Variants in PHKB observed in about 807,000 individuals in gnomAD.
PHKB encodes the protein phosphorylase kinase regulatory subunit beta.
Under a neutral mutation model 152.1 loss-of-function variants are expected in PHKB, and 122 were observed. The observed-to-expected ratio is 0.80, with a 90% CI of 0.69 to 0.93. The LOEUF is 0.93. PHKB is among the 40% of genes least tolerant of loss of function. The pLI is 0.00. For missense variants in PHKB, 1,304 were observed against 1,328.4 expected (o/e 0.98, Z 0.29); for synonymous variants, 436 against 464.9 (o/e 0.94, Z 0.80).
chr16:47,689,604 C>A (rs192705577), intron 27 of PHKB, among the ~76,000 whole-genome samples: 1 of 152,250 alleles, frequency 6.6e-6, no homozygotes, highest in East Asian at 1.9e-4. Context: ...AATGCTAAAC[C>A]CTTTCCTAGA....
At chr16:47,574,175 C>A (rs1237412862) in intron 7 of PHKB, among the ~76,000 whole-genome samples, 2 of 152,218 alleles carry the variant, frequency 1.3e-5, no homozygotes, top group East Asian at 3.9e-4. Flanking sequence ...CCGTTTCAGC[C>A]TCCCAAAGTT....
At chr16:47,632,908 G>A (rs548033846) in intron 14 of PHKB, among the ~76,000 whole-genome samples, 11 of 152,164 alleles carry the variant, frequency 7.2e-5, no homozygotes, top group South Asian at 2.1e-4. Context: ...CTTAATTACC[G>A]TAGTTTTAAA....
chr16:47,580,558 TAAA>T (rs57329634), intron 8 of PHKB, among the ~76,000 whole-genome samples, 200 bp downstream of exon 8: 1 of 131,866 alleles, frequency 7.6e-6, no homozygotes. Flanking sequence ...TTAATTTCTT[TAAA>T]AAAAAAAAAA....
intron 13 of PHKB, chr16:47,598,082 G>A (rs1972155338): frequency 6.6e-6 from 1 of 151,884 alleles, no homozygotes; most frequent in African/African-American, 2.4e-5. Flanking sequence ...AAAATAAAAT[G>A]ACATTATGGA....
chr16:47,662,984 C>A (rs1351401018), intron 23 of PHKB, among the ~76,000 whole-genome samples: 1 of 151,916 alleles, frequency 6.6e-6, no homozygotes, highest in East Asian at 1.9e-4. Flanking sequence ...GAATAATATT[C>A]ATTAAATGTT....
chr16:47,643,466 T>G (rs1232680203), intron 16 of PHKB, among the ~76,000 whole-genome samples: 2 of 152,222 alleles, frequency 1.3e-5, no homozygotes, highest in African/African-American at 4.8e-5. Context: ...ACATCTTGTT[T>G]TAAAAATGGT....
chr16:47,692,943 T>A (rs1974087684), intron 27 of PHKB, among the ~76,000 whole-genome samples: 1 of 152,232 alleles, frequency 6.6e-6, no homozygotes, highest in Admixed American at 6.5e-5. Flanking sequence ...AAGTGTTTAC[T>A]AAGCACCTTT....
At chr16:47,472,173 A>G (rs924805581) in intron 1 of PHKB, among the ~76,000 whole-genome samples, 4 of 152,138 alleles carry the variant, frequency 2.6e-5, no homozygotes, top group African/African-American at 9.7e-5. Flanking sequence ...TGGCATATTG[A>G]CCCTTCTATT....
At chr16:47,643,109 G>T (rs1376721078) in intron 16 of PHKB, among the ~76,000 whole-genome samples, 9 of 152,136 alleles carry the variant, frequency 5.9e-5, no homozygotes. Flanking sequence ...ATTAATATTA[G>T]CAACTTATTT....
At chr16:47,548,860 CATT>C (rs1245075462) in intron 7 of PHKB, among the ~76,000 whole-genome samples, 1 of 152,006 alleles carries the variant, frequency 6.6e-6, no homozygotes, top group African/African-American at 2.4e-5. Flanking sequence ...TAATTGTTGT[CATT>C]GTTGTAATAG....
chr16:47,568,633 T>C (rs543815234), intron 7 of PHKB, among the ~76,000 whole-genome samples: 1 of 152,310 alleles, frequency 6.6e-6, no homozygotes, highest in East Asian at 1.9e-4. Flanking sequence ...TCTTTGATCT[T>C]TCTGTCTTTT....
intron 1 of PHKB, among the ~76,000 whole-genome samples, chr16:47,468,780 C>T (rs776783675): frequency 1.3e-5 from 2 of 152,234 alleles, no homozygotes; most frequent in Non-Finnish European, 2.9e-5. Context: ...TCTTCTTCTC[C>T]ACTGCTATCT....
intron 6 of PHKB, among the ~76,000 whole-genome samples, chr16:47,539,994 G>A (rs2151667331): frequency 6.6e-6 from 1 of 152,210 alleles, no homozygotes; most frequent in Non-Finnish European, 1.5e-5. Context: ...TGTCTGCAGG[G>A]TCGGGCAAAA....
At chr16:47,698,331 C>A in intron 29 of PHKB, 117 bp from the exon 30 acceptor site, 1 of 824,616 alleles carries the variant, frequency 1.2e-6, no homozygotes, top group Non-Finnish European at 2.1e-6. Flanking sequence ...CATAGGTGAT[C>A]CTTGAGCCCC....
intron 7 of PHKB, among the ~76,000 whole-genome samples, chr16:47,552,579 G>C (rs1000110091): frequency 6.6e-6 from 1 of 152,184 alleles, no homozygotes; most frequent in Non-Finnish European, 1.5e-5. Flanking sequence ...GGGAAGTCAA[G>C]TCAGGTGGAT....
chr16:47,533,994 C>G (rs1970908556), intron 6 of PHKB, among the ~76,000 whole-genome samples: 1 of 152,120 alleles, frequency 6.6e-6, no homozygotes, highest in African/African-American at 2.4e-5. Flanking sequence ...GGGCTCCCCC[C>G]TCCTCCCAGG....
rs555117981 is a variant in PHKB, at chr16:47,624,489, G to A, written c.1458+13569G>A. Among the ~76,000 whole-genome samples the A allele has an allele frequency of 8.3e-4, 127 of 152,236 alleles. 1 individual carries two copies. The highest frequency in any genetic ancestry group is 2.9e-3 in the African/African-American group (121 of 41,540). The stretch of plus-strand genomic sequence containing the variant: ...AAAGTAAAATTAAAACTAGACTAAT[G>A]GGTTCTAGTACATGCCAAGATCATT... On this transcript the variant is annotated intron_variant, in intron 14 of 30. Coordinates refer to ENST00000323584, the MANE Select transcript of PHKB (RefSeq NM_000293.3).
intron 28 of PHKB, 31 bp downstream of exon 28, chr16:47,693,538 G>C: frequency 6.2e-7 from 1 of 1,612,634 alleles, no homozygotes; most frequent in Non-Finnish European, 8.5e-7. Context: ...CATAAAGAAA[G>C]GAGACTTCGC....
intron 20 of PHKB, among the ~76,000 whole-genome samples, chr16:47,655,452 T>C (rs748842321): frequency 2.6e-5 from 4 of 152,208 alleles, no homozygotes; most frequent in African/African-American, 4.8e-5. Flanking sequence ...TTGAAAATAA[T>C]TTTACTTTAA....
Sources: allele counts gnomAD v4.1 joint callset (sites outside exome capture counted in the v4.1 genomes callset), GRCh38; gene constraint gnomAD v4.1.1; transcripts MANE v1.5; gene names NCBI Gene and HGNC (gene_info 2026-07-23, HGNC 2026-07-21).